The following SMARCC1 variants were observed in gnomAD, a reference collection of about 807,000 sequenced individuals.
The protein encoded by SMARCC1 is SWI/SNF complex subunit SMARCC1.
A neutral mutation model predicts 147.4 loss-of-function variants in SMARCC1; 43 were observed. The observed-to-expected ratio is 0.29, with a 90% CI of 0.23 to 0.38. SMARCC1 has a LOEUF of 0.38. SMARCC1 is among the 10% of genes least tolerant of loss of function. The pLI is 1.00. For missense variants in SMARCC1, 1,119 were observed against 1,381.1 expected (o/e 0.81, Z 3.01); for synonymous variants, 495 against 484.4 (o/e 1.02, Z -0.29).
chr3:47,719,702 C>CA (rs774210200), intron 7 of SMARCC1, among the ~76,000 whole-genome samples: 1 of 151,476 alleles, frequency 6.6e-6, no homozygotes, highest in African/African-American at 2.4e-5. Context: ...GACTCTGTCT[C>CA]AAAAAAATCT....
At chr3:47,726,891 T>TC (rs2034305735) in intron 6 of SMARCC1, among the ~76,000 whole-genome samples, 1 of 150,538 alleles carries the variant, frequency 6.6e-6, no homozygotes. Context: ...TAAAATTTCC[T>TC]TTTTTTTTCA....
intron 2 of SMARCC1, among the ~76,000 whole-genome samples, chr3:47,751,540 C>CAA (rs57964357): frequency 2.8e-5 from 4 of 142,078 alleles, no homozygotes; most frequent in Non-Finnish European, 4.6e-5. Context: ...GACTCTGTCT[C>CAA]AAAAAAAAAA....
At chr3:47,780,166 T>TTG (rs1553693472) in intron 1 of SMARCC1, among the ~76,000 whole-genome samples, 21 of 115,922 alleles carry the variant, frequency 1.8e-4, no homozygotes, top group African/African-American at 6.3e-4. Context: ...TGGTTTTTTT[T>TTG]TGTTTTTTTT....
chr3:47,659,506 A>T (rs1055976644), intron 21 of SMARCC1, among the ~76,000 whole-genome samples: 6 of 152,036 alleles, frequency 3.9e-5, no homozygotes, highest in African/African-American at 1.2e-4. Flanking sequence ...ATAAAAACCA[A>T]AAAACAAAAA....
At chr3:47,618,453 G>C (rs1174517275) in intron 25 of SMARCC1, among the ~76,000 whole-genome samples, 1 of 151,822 alleles carries the variant, frequency 6.6e-6, no homozygotes, top group Non-Finnish European at 1.5e-5. Context: ...AGGCTGAGGA[G>C]GGAGGATCAC....
At chr3:47,765,205 C>T (rs942443173) in intron 2 of SMARCC1, among the ~76,000 whole-genome samples, 7 of 151,690 alleles carry the variant, frequency 4.6e-5, no homozygotes, top group African/African-American at 1.5e-4. Flanking sequence ...AAGCCGAGAT[C>T]GTGCCATTGC....
chr3:47,639,699 G>A (rs564665665), intron 21 of SMARCC1, among the ~76,000 whole-genome samples: 3 of 150,150 alleles, frequency 2.0e-5, no homozygotes, highest in African/African-American at 7.3e-5. Flanking sequence ...GGGAGACAGA[G>A]TGAGACTACA....
At chr3:47,671,197 A>AAAAAAC (rs1157129603) in intron 18 of SMARCC1, among the ~76,000 whole-genome samples, 4 of 62,362 alleles carry the variant, frequency 6.4e-5, no homozygotes, top group African/African-American at 1.4e-4. Context: ...AAAAAAAAAA[A>AAAAAAC]ACACACACAA....
Position 47,684,336 on chromosome 3 carries a change from G to A in SMARCC1, c.1385+1713C>T, listed in dbSNP as rs150366419. Among the ~76,000 whole-genome samples, 543 of 151,962 alleles carry A rather than the reference G, an allele frequency of 3.6e-3. 4 individuals are homozygous for A. Among genetic ancestry groups the A allele is most frequent in the African/African-American group, 0.012 (510 of 41,458 alleles). Reference sequence around the variant, plus strand: ...CTGTAAAAATCAGAGACGATGCTAAGGAGGTCTGTTTTCTTAAACATTTTT... The same window carrying A: ...CTGTAAAAATCAGAGACGATGCTAAAGAGGTCTGTTTTCTTAAACATTTTT... On this transcript the variant is annotated intron_variant, in intron 14 of 27. Coordinates refer to ENST00000254480, the MANE Select transcript of SMARCC1 (RefSeq NM_003074.4).
At position 47,620,767 on chromosome 3, in the gene SMARCC1, T is replaced by C. The variant is rs538856132; in HGVS notation, c.2781+1440A>G. 8.5e-5 allele frequency among the ~76,000 whole-genome samples: 13 copies of C among 152,262 alleles called. 1 individual carries two copies. In the South Asian group the frequency reaches 2.7e-3, roughly 32 times the overall value. On this transcript the variant is annotated intron_variant, in intron 25 of 27. Coordinates refer to ENST00000254480, the MANE Select transcript of SMARCC1 (RefSeq NM_003074.4). ...AAGTGTGAGAAAGCCCAAGGATGGATCTGAGGGAGGATAACAGAAAACTAG... is the reference window on the plus strand; with the variant it reads ...AAGTGTGAGAAAGCCCAAGGATGGACCTGAGGGAGGATAACAGAAAACTAG...
intron 12 of SMARCC1, among the ~76,000 whole-genome samples, chr3:47,691,941 A>T (rs2033795339): frequency 6.6e-6 from 1 of 152,196 alleles, no homozygotes; most frequent in African/African-American, 2.4e-5. Flanking sequence ...AGGAGGTTGC[A>T]GTAACCAAGA....
chr3:47,628,315 C>T (rs527618230), intron 24 of SMARCC1, among the ~76,000 whole-genome samples: 1 of 152,270 alleles, frequency 6.6e-6, no homozygotes, highest in South Asian at 2.1e-4. Flanking sequence ...ACCACTGTCC[C>T]TAGTTTTAAA....
chr3:47,680,989 T>C (rs920839319), intron 14 of SMARCC1, among the ~76,000 whole-genome samples: 2 of 152,214 alleles, frequency 1.3e-5, no homozygotes, highest in African/African-American at 4.8e-5. Flanking sequence ...TAAGGAAAGC[T>C]TTCTCTTTCT....
intron 26 of SMARCC1, among the ~76,000 whole-genome samples, chr3:47,605,548 G>A (rs1021433649): frequency 1.3e-5 from 2 of 152,158 alleles, no homozygotes; most frequent in Non-Finnish European, 1.5e-5. Flanking sequence ...GAGGCGGGAG[G>A]ACTACTTAAG....
At chr3:47,588,997 G>A (rs2032130340) in intron 27 of SMARCC1, among the ~76,000 whole-genome samples, 2 of 152,104 alleles carry the variant, frequency 1.3e-5, no homozygotes, top group East Asian at 1.9e-4. Context: ...TTTAATCCGG[G>A]TTTTAAAAAC....
At chr3:47,685,334 G>C (rs572947767) in intron 14 of SMARCC1, among the ~76,000 whole-genome samples, 28 of 152,174 alleles carry the variant, frequency 1.8e-4, no homozygotes, top group Non-Finnish European at 2.9e-4. Flanking sequence ...GGAAAATTAT[G>C]AATTGTTTAC....
At chr3:47,762,770 G>T (rs2034789081) in intron 2 of SMARCC1, among the ~76,000 whole-genome samples, 1 of 151,918 alleles carries the variant, frequency 6.6e-6, no homozygotes, top group Admixed American at 6.6e-5. Context: ...AAAAATATAA[G>T]AATTAGCCAG....
In SMARCC1 at chr3:47,770,857, G is replaced by T. The variant is rs1244037199; in HGVS notation, c.315+1960C>A. On this transcript the variant is annotated intron_variant, in intron 2 of 27. Coordinates refer to ENST00000254480, the MANE Select transcript of SMARCC1 (RefSeq NM_003074.4). ...CTTTTTGGATAATAAAAACATCACAGACAAACACATTTACAGCAAGATCAC... is the reference window on the plus strand; with the variant it reads ...CTTTTTGGATAATAAAAACATCACATACAAACACATTTACAGCAAGATCAC... Among the ~76,000 whole-genome samples, 7 of 151,914 alleles carry T rather than the reference G, an allele frequency of 4.6e-5. No homozygotes were observed. The East Asian group carries it at 1.4e-3, about 29-fold the overall frequency.
chr3:47,595,396 G>A (rs923855020), intron 26 of SMARCC1, among the ~76,000 whole-genome samples: 3 of 151,870 alleles, frequency 2.0e-5, no homozygotes, highest in Non-Finnish European at 2.9e-5. Flanking sequence ...ATGCGGTGGT[G>A]GGCACCTGTA....
Sources: gnomAD v4.1 joint callset for allele counts (sites outside exome capture counted in the v4.1 genomes callset) on GRCh38, gnomAD v4.1.1 for gene constraint, MANE v1.5 for transcripts, NCBI Gene and HGNC (gene_info 2026-07-23, HGNC 2026-07-21) for gene names.